CEP112: variants seen among roughly 807,000 people sequenced by gnomAD.
The protein encoded by CEP112 is centrosomal protein 112.
A neutral mutation model predicts 153.0 loss-of-function variants in CEP112; 127 were observed. The observed-to-expected ratio is 0.83, with a 90% confidence interval of 0.72 to 0.96. CEP112 has a LOEUF of 0.96. CEP112 is among the 40% of genes least tolerant of loss of function. The pLI is 0.00. For missense variants in CEP112, 1,089 were observed against 1,101.2 expected (o/e 0.99, Z 0.16); for synonymous variants, 358 against 374.4 (o/e 0.96, Z 0.51).
intron 21 of CEP112, among the ~76,000 whole-genome samples, chr17:65,786,520 G>C (rs1261820742): frequency 1.3e-5 from 2 of 150,572 alleles, no homozygotes; most frequent in African/African-American, 2.4e-5. Flanking sequence ...ATGTATTTAT[G>C]GGCTACTGAT....
chr17:65,826,241 A>G (rs2056834342), intron 21 of CEP112: 4 of 1,613,764 alleles, frequency 2.5e-6, no homozygotes, highest in Non-Finnish European at 3.4e-6. Flanking sequence ...CATCTCTATC[A>G]GTCTCAGGGC....
chr17:65,927,424 A>G (rs532836575), intron 19 of CEP112, among the ~76,000 whole-genome samples, 158 bp downstream of exon 19: 1 of 152,384 alleles, frequency 6.6e-6, no homozygotes, highest in East Asian at 1.9e-4. Context: ...AATTCTGTTT[A>G]TAGATTTTAT....
intron 4 of CEP112, among the ~76,000 whole-genome samples, chr17:66,144,935 A>G (rs1396818677): frequency 3.3e-5 from 5 of 152,196 alleles, no homozygotes; most frequent in Non-Finnish European, 5.9e-5. Context: ...AAAATTTATA[A>G]GAAATAGCCA....
rs763548206 is a variant in CEP112 at position 66,148,833 on chromosome 17, ACTTTTT to A, written c.471-16076_471-16071del. 8.7e-5 allele frequency among the ~76,000 whole-genome samples: 13 copies of A among 149,566 alleles called. No homozygotes were observed. In the South Asian group the frequency reaches 1.0e-3, roughly 12 times the overall value. On this transcript the variant is annotated intron_variant, in intron 4 of 26. Coordinates refer to ENST00000535342, the MANE Select transcript of CEP112 (RefSeq NM_001199165.4). ...TCCTTCTTCCTTTTCATTTTGGATG[ACTTTTT>A]CTTTTTCTTTTTCTTGCGAATTGCC...
intron 20 of CEP112, among the ~76,000 whole-genome samples, chr17:65,897,525 T>C (rs976826970): frequency 1.3e-5 from 2 of 152,144 alleles, no homozygotes; most frequent in Non-Finnish European, 2.9e-5. Context: ...TAATTTCTAA[T>C]CTCAGCTATG....
At chr17:65,785,869 A>T (rs548863499) in intron 21 of CEP112, among the ~76,000 whole-genome samples, 2 of 150,804 alleles carry the variant, frequency 1.3e-5, no homozygotes, top group Admixed American at 6.6e-5. Context: ...GTTGAGCTTT[A>T]CTCTTTTGCA....
intron 6 of CEP112, among the ~76,000 whole-genome samples, chr17:66,106,248 T>C (rs1478237689): frequency 6.6e-6 from 1 of 151,818 alleles, no homozygotes; most frequent in Non-Finnish European, 1.5e-5. Context: ...CTTAAAGAAT[T>C]AGAAAAGCTA....
chr17:65,921,687 C>T (rs2060733418), intron 19 of CEP112, among the ~76,000 whole-genome samples: 1 of 152,036 alleles, frequency 6.6e-6, no homozygotes, highest in Non-Finnish European at 1.5e-5. Flanking sequence ...TGTATCATCT[C>T]TTTTCATGAA....
chr17:66,086,758 G>A (rs150076500), intron 8 of CEP112, among the ~76,000 whole-genome samples: 11 of 150,938 alleles, frequency 7.3e-5, no homozygotes, highest in African/African-American at 2.2e-4. Flanking sequence ...AAAAAAAAAC[G>A]TAAATATATT....
intron 9 of CEP112, among the ~76,000 whole-genome samples, chr17:66,067,200 G>A (rs1568453962): frequency 6.6e-6 from 1 of 152,152 alleles, no homozygotes; most frequent in Non-Finnish European, 1.5e-5. Context: ...GAATCTATAT[G>A]ATCTGCCACA....
Position 66,096,597 on chromosome 17 carries a change from G to A in CEP112, c.678C>T (p.Ile226=). 1 of 1,593,946 alleles carries A rather than the reference G, an allele frequency of 6.3e-7. No homozygotes were observed. The highest frequency in any genetic ancestry group is 2.2e-5 in the East Asian group (1 of 44,666). The change falls in exon 7 of 27, where the codon ATC becomes ATT. Residue 226 remains isoleucine, a synonymous_variant. Coordinates refer to ENST00000535342, the MANE Select transcript of CEP112 (RefSeq NM_001199165.4). ...ATTTCTCACATACCAGAGAAACTGG[G>A]ATAGGCTTCTGTCTCAGGTATCGAG... The part of the protein sequence containing the change: ...ENPRYLRQKP[I]PVSLMTPKFS...
Position 66,177,028 on chromosome 17 carries a change from T to C in CEP112, c.107-8A>G, listed in dbSNP as rs760620596. The stretch of plus-strand genomic sequence containing the variant: ...GAGCACACCTCTGCCGTTCTATAAA[T>C]ACAGAAGAACTATTAGAAATTTTAT... On this transcript the variant is annotated splice_polypyrimidine_tract_variant and splice_region_variant and intron_variant, in intron 2 of 26. Transcript: ENST00000535342. 1.9e-6 allele frequency: 3 copies of C among 1,583,018 alleles called. No homozygotes were observed. The highest frequency in any genetic ancestry group is 2.6e-6 in the Non-Finnish European group (3 of 1,169,548).
chr17:65,780,511 C>A (rs1044122330), intron 21 of CEP112, among the ~76,000 whole-genome samples: 1 of 152,028 alleles, frequency 6.6e-6, no homozygotes, highest in Non-Finnish European at 1.5e-5. Flanking sequence ...TCCTCAAAGA[C>A]CAAATGTAAA....
chr17:65,933,357 C>T (rs2061191573), intron 18 of CEP112, among the ~76,000 whole-genome samples: 2 of 152,104 alleles, frequency 1.3e-5, no homozygotes, highest in African/African-American at 4.8e-5. Context: ...TCGAATTCAA[C>T]CCAAAGACAG....
chr17:66,164,812 G>T (rs1027976652), intron 4 of CEP112, among the ~76,000 whole-genome samples: 6 of 151,654 alleles, frequency 4.0e-5, no homozygotes, highest in Non-Finnish European at 5.9e-5. Flanking sequence ...CCGAGATCGT[G>T]CCATTGCACT....
intron 4 of CEP112, among the ~76,000 whole-genome samples, chr17:66,133,277 G>A (rs1008977746): frequency 2.0e-5 from 3 of 152,046 alleles, no homozygotes; most frequent in African/African-American, 4.8e-5. Context: ...TGTAAAAAGA[G>A]AGAAAATGAA....
chr17:65,897,493 A>T (rs911150511), intron 20 of CEP112, among the ~76,000 whole-genome samples: 4 of 152,122 alleles, frequency 2.6e-5, no homozygotes, highest in Admixed American at 2.0e-4. Flanking sequence ...TTGGAAATTA[A>T]TATTAGGCAT....
intron 21 of CEP112, among the ~76,000 whole-genome samples, chr17:65,849,574 G>A (rs1396723401): frequency 2.6e-5 from 4 of 152,282 alleles, no homozygotes; most frequent in Middle Eastern, 3.4e-3. Context: ...CTATTAAAAA[G>A]AGGCATTTGG....
At chr17:65,711,139 A>G (rs2049163352) in intron 23 of CEP112, among the ~76,000 whole-genome samples, 1 of 152,184 alleles carries the variant, frequency 6.6e-6, no homozygotes, top group Non-Finnish European at 1.5e-5. Context: ...TCACAGCAAG[A>G]CATTTGAGAG....
Sources: allele counts gnomAD v4.1 joint callset (sites outside exome capture counted in the v4.1 genomes callset), GRCh38; gene constraint gnomAD v4.1.1; transcripts MANE v1.5; gene names NCBI Gene and HGNC (gene_info 2026-07-23, HGNC 2026-07-21).